JADE2: variants seen among roughly 807,000 people sequenced by gnomAD.
The protein encoded by JADE2 is jade family PHD finger 2.
A neutral mutation model predicts 85.7 loss-of-function variants in JADE2; 13 were observed. That is an observed-to-expected ratio of 0.15 (90% CI 0.10 to 0.24). The LOEUF (loss-of-function observed/expected upper bound fraction) is 0.24, where lower values mean the gene tolerates loss of function less well. JADE2 is among the 10% of genes least tolerant of loss of function. The pLI, the probability that JADE2 is intolerant of heterozygous loss-of-function variation, is 1.00. For synonymous variants in JADE2, 440 were observed against 456.1 expected (o/e 0.96, Z 0.45); for missense variants, 846 against 1,115.9 (o/e 0.76, Z 3.45).
intron 6 of JADE2, 48 bp downstream of exon 6, chr5:134,561,005 C>T (rs1356694628): frequency 6.5e-7 from 1 of 1,540,666 alleles, no homozygotes; most frequent in Non-Finnish European, 8.9e-7. Context: ...TATACACACG[C>T]TGCCTGGCAG....
chr5:134,535,553 C>A lies in JADE2; in HGVS notation c.1-305C>A, dbSNP rs142777112. 3.1e-3 allele frequency among the ~76,000 whole-genome samples: 473 copies of A among 152,236 alleles called. 1 individual carries two copies. Among genetic ancestry groups the A allele is most frequent in the Middle Eastern group, 0.031 (9 of 294 alleles). ...CAGCTGGGACTGGGCAGGTCATGGTCACTATTCAGTTTGGGCTTGCTGATG... is the reference window on the plus strand; with the variant it reads ...CAGCTGGGACTGGGCAGGTCATGGTAACTATTCAGTTTGGGCTTGCTGATG... On this transcript the variant is annotated intron_variant, in intron 1 of 11. Coordinates refer to ENST00000681547, the MANE Select transcript of JADE2 (RefSeq NM_001388185.1).
In JADE2 at chr5:134,545,922, G is replaced by T. The variant is rs137988394; in HGVS notation, c.154-6130G>T. On this transcript the variant is annotated intron_variant, in intron 3 of 11. Coordinates refer to ENST00000681547, the MANE Select transcript of JADE2 (RefSeq NM_001388185.1). ...TTCCAGCTCTACGTTGGGACTTTTG[G>T]TGTAGACAGATGTCCAGGAGAGATT... 4.6e-3 allele frequency among the ~76,000 whole-genome samples: 693 copies of T among 152,230 alleles called. 4 individuals are homozygous for T. Among genetic ancestry groups the T allele is most frequent in the African/African-American group, 0.016 (670 of 41,512 alleles).
At chr5:134,576,928 G>A (rs988197874) in intron 11 of JADE2, 32 bp downstream of exon 11, 26 of 1,510,236 alleles carry the variant, frequency 1.7e-5, no homozygotes, top group South Asian at 2.6e-5. Flanking sequence ...CTGCAGACAC[G>A]GCAGGCTTGA....
rs754789423 is a variant in JADE2, at chr5:134,566,125, C to G, written c.979C>G (p.Pro327Ala). 4.3e-6 allele frequency: 7 copies of G among 1,612,568 alleles called. No individual in the cohort carries two copies. In the Admixed American group the frequency reaches 6.7e-5, roughly 15 times the overall value. The stretch of plus-strand genomic sequence containing the variant: ...CCTCCTTTCCCCTCAGTGTTCCATG[C>G]CTTCCTGCGTCACAGCGTTCCATGT... The part of the protein sequence containing the change: ...CTGTCIQCSM[P>A]SCVTAFHVTC... The change falls in exon 9 of 12, where the codon CCT (proline) becomes GCT (alanine). Residue 327 changes from proline to alanine, a missense_variant. Pro to Ala is a conservative substitution (Grantham distance 27). Transcript: ENST00000681547. The surrounding 1 kb of genome is among the most constrained non-coding windows in gnomAD (Gnocchi z 6.7).
At chr5:134,572,933 T>C (rs893180289) in intron 9 of JADE2, among the ~76,000 whole-genome samples, 3 of 152,200 alleles carry the variant, frequency 2.0e-5, no homozygotes, top group African/African-American at 7.2e-5. Context: ...GCTGAGGAGT[T>C]CTGTCACTGT....
chr5:134,575,504 G>A (rs930562334), intron 10 of JADE2: 9 of 152,398 alleles, frequency 5.9e-5, no homozygotes, highest in Admixed American at 4.6e-4. Context: ...TGGGTCACAT[G>A]TGCGAGATCT....
At chr5:134,548,140 G>A (rs187120956) in intron 3 of JADE2, among the ~76,000 whole-genome samples, 1 of 152,362 alleles carries the variant, frequency 6.6e-6, no homozygotes, top group Admixed American at 6.5e-5. Flanking sequence ...AGTTCAGTGT[G>A]GGCACAGTGG....
At chr5:134,559,250 A>G (rs1177139721) in intron 4 of JADE2, among the ~76,000 whole-genome samples, 1 of 152,182 alleles carries the variant, frequency 6.6e-6, no homozygotes, top group Non-Finnish European at 1.5e-5. Context: ...ACGTGGCCTC[A>G]GTTCTACTCA....
At chr5:134,573,792 C>T (rs1764189017) in intron 10 of JADE2, 30 bp downstream of exon 10, 1 of 1,269,400 alleles carries the variant, frequency 7.9e-7, no homozygotes, top group Non-Finnish European at 1.2e-6. Context: ...GCCGCCGCCA[C>T]CTCCCTGTGC....
chr5:134,525,371 A>C (rs888313160), upstream of JADE2, among the ~76,000 whole-genome samples: 3 of 151,884 alleles, frequency 2.0e-5, no homozygotes, highest in African/African-American at 7.3e-5. Flanking sequence ...GGGGCGCCCC[A>C]GAGTCCATGG....
chr5:134,555,334 A>G (rs1762847754), intron 4 of JADE2, among the ~76,000 whole-genome samples: 1 of 152,174 alleles, frequency 6.6e-6, no homozygotes. Context: ...CTTCTAGGGT[A>G]AAGACCCCCT....
intron 10 of JADE2, among the ~76,000 whole-genome samples, chr5:134,576,378 T>G (rs961850831): frequency 6.6e-6 from 1 of 152,128 alleles, no homozygotes; most frequent in Non-Finnish European, 1.5e-5. Context: ...AACCCAAGCC[T>G]CTTGACCCCT....
Position 134,579,535 on chromosome 5 carries a change from C to T in JADE2, c.*218C>T, listed in dbSNP as rs1581497400. ...TTAGGATTCCTTCCACGGCTCCGGC[C>T]GCTAGGACCCTGCCAGGTCCCGCGC... On this transcript the variant is annotated 3_prime_UTR_variant, in exon 12 of 12. Transcript: ENST00000681547. This position sits in a 1 kb window ranked among gnomAD's most constrained non-coding sequence, Gnocchi z 4.6. 5.5e-6 allele frequency: 3 copies of T among 549,636 alleles called. No homozygotes were observed. Among genetic ancestry groups the T allele is most frequent in the African/African-American group, 3.8e-5 (2 of 53,272 alleles). The allele number at this position is 549,636 out of a possible 1,614,324, so 34.0% of individuals were successfully genotyped here. A position where few individuals can be genotyped will look rare whatever the true frequency, so the allele number is the denominator to read the frequency against.
At chr5:134,526,851 G>C (rs1425907277) in intron 1 of JADE2, 3 of 785,472 alleles carry the variant, frequency 3.8e-6, no homozygotes, top group Non-Finnish European at 4.6e-6. Context: ...AGTCCAGCTG[G>C]GGAGAGGCGC....
At chr5:134,524,997 G>T (rs1373089480), upstream of JADE2, among the ~76,000 whole-genome samples, 1 of 152,242 alleles carries the variant, frequency 6.6e-6, no homozygotes, top group Non-Finnish European at 1.5e-5. Flanking sequence ...GTCTTCCAGC[G>T]CTGGAGCCCC....
intron 9 of JADE2, among the ~76,000 whole-genome samples, chr5:134,567,103 C>A (rs1172174088): frequency 6.6e-6 from 1 of 152,168 alleles, no homozygotes; most frequent in African/African-American, 2.4e-5. Flanking sequence ...GATGGGTAAA[C>A]GCGGCTCCGT....
At chr5:134,524,915 T>C (rs1441659163), upstream of JADE2, among the ~76,000 whole-genome samples, 3 of 152,206 alleles carry the variant, frequency 2.0e-5, no homozygotes, top group Admixed American at 1.3e-4. Flanking sequence ...CTTCTGGTGC[T>C]GCAAAACGCC....
At chr5:134,537,282 A>G (rs1160026242) in intron 2 of JADE2, among the ~76,000 whole-genome samples, 8 of 152,164 alleles carry the variant, frequency 5.3e-5, no homozygotes, top group African/African-American at 2.4e-5. Flanking sequence ...CCTTTGATTC[A>G]TAAGGGCGGA....
At chr5:134,526,285 G>C (rs1223847086) in intron 1 of JADE2, 2 of 985,300 alleles carry the variant, frequency 2.0e-6, no homozygotes, top group African/African-American at 1.7e-5. Flanking sequence ...ACTTTTGGAA[G>C]GGTGAGCTTG....
Sources: allele counts gnomAD v4.1 joint callset (sites outside exome capture counted in the v4.1 genomes callset), GRCh38; gene constraint gnomAD v4.1.1; non-coding constraint Gnocchi (gnomAD v3.1); transcripts MANE v1.5; gene names NCBI Gene and HGNC (gene_info 2026-07-23, HGNC 2026-07-21).